TEX30: variants seen among roughly 807,000 people sequenced by gnomAD.
The protein encoded by TEX30 is testis expressed 30.
In TEX30, 14 loss-of-function variants were observed where a neutral mutation model predicts 23.8. That is an observed-to-expected ratio of 0.59 (90% CI 0.39 to 0.92). TEX30 has a LOEUF of 0.92. Ranked by LOEUF, TEX30 falls within the 40% of genes least tolerant of loss-of-function variation. TEX30 has a pLI of 0.00. For missense variants in TEX30, 246 were observed against 270.6 expected (o/e 0.91, Z 0.64); for synonymous variants, 78 against 90.2 (o/e 0.87, Z 0.76).
At chr13:102,770,239 A>G (rs1419827611) in intron 1 of TEX30, 153 bp from the exon 2 acceptor site, 1 of 372,976 alleles carries the variant, frequency 2.7e-6, no homozygotes, top group Non-Finnish European at 4.8e-6. Context: ...ACGGGCACTC[A>G]GAATTGGTTA....
At position 102,767,276 on chromosome 13, in the gene TEX30, T is replaced by C. The variant is rs1053247579; in HGVS notation, c.501A>G (p.Glu167=). Residue 167 remains glutamate (E), a synonymous_variant, in exon 5 of 6, where the codon GAA becomes GAG. Transcript: ENST00000376032. Reference sequence around the variant, plus strand: ...CAAACATTGAGTTATAATTCACCTTTTCACACATTTCATCTGCTGAGCCTG... The same window carrying C: ...CAAACATTGAGTTATAATTCACCTTCTCACACATTTCATCTGCTGAGCCTG... The part of the protein sequence containing the change: ...FVSGSADEMC[E]KNLLEKVAQK... 1.2e-6 allele frequency: 2 copies of C among 1,612,644 alleles called. No homozygotes were observed. The highest frequency in any genetic ancestry group is 1.7e-6 in the Non-Finnish European group (2 of 1,179,424).
At chr13:102,771,443 A>C (rs902790559) in intron 1 of TEX30, among the ~76,000 whole-genome samples, 2 of 152,228 alleles carry the variant, frequency 1.3e-5, no homozygotes, top group African/African-American at 4.8e-5. Flanking sequence ...CAATGTAAAC[A>C]GAAGTTTCCA....
chr13:102,768,533 A>G (rs1229453974), intron 3 of TEX30, among the ~76,000 whole-genome samples: 2 of 152,242 alleles, frequency 1.3e-5, no homozygotes, highest in Non-Finnish European at 1.5e-5. Context: ...ATATGTGAGA[A>G]AAAAAGTCAA....
In TEX30 at chr13:102,766,602, T is replaced by C. The variant is rs754381971; in HGVS notation, c.505-22A>G. ...AGTTCTAAAGAGAAAAAGAAGAGGA[T>C]ACTAGACTAATGTTCTGTTGATATT... On this transcript the variant is annotated intron_variant, in intron 5 of 5. Coordinates refer to ENST00000376032, the MANE Select transcript of TEX30 (RefSeq NM_138779.5). The C allele has an allele frequency of 2.1e-5, 34 of 1,603,988 alleles. No individual in the cohort carries two copies. The Admixed American group carries it at 5.1e-4, about 24-fold the overall frequency.
chr13:102,766,688 GCTTTCTCAGACAA>G, intron 5 of TEX30, 108 bp from the exon 6 acceptor site: 1 of 1,063,214 alleles, frequency 9.4e-7, no homozygotes, highest in Non-Finnish European at 1.3e-6. Flanking sequence ...TTCATTAAAT[GCTTTCTCAGACAA>G]CTTTCTAGGT....
chr13:102,766,726 G>A, intron 5 of TEX30, 146 bp from the exon 6 acceptor site: 1 of 678,770 alleles, frequency 1.5e-6, no homozygotes, highest in Non-Finnish European at 2.3e-6. Context: ...GAATGTGTGA[G>A]GAAATGTCCG....
chr13:102,771,614 G>C (rs189494240), intron 1 of TEX30, among the ~76,000 whole-genome samples: 2 of 152,306 alleles, frequency 1.3e-5, no homozygotes, highest in Admixed American at 1.3e-4. Context: ...TTTGGAAGTT[G>C]AGTGAGACAA....
chr13:102,771,163 T>C (rs1017501725), intron 1 of TEX30, among the ~76,000 whole-genome samples: 2 of 152,156 alleles, frequency 1.3e-5, no homozygotes, highest in Non-Finnish European at 2.9e-5. Flanking sequence ...GATGTAAGTG[T>C]ATTTATAAGA....
intron 2 of TEX30, 105 bp downstream of exon 2, chr13:102,769,907 G>T (rs967419119): frequency 2.0e-6 from 2 of 997,196 alleles, no homozygotes; most frequent in African/African-American, 1.7e-5. Flanking sequence ...ATGCTATACT[G>T]CCTCCCACAG....
chr13:102,773,181 T>C (rs940747445), intron 1 of TEX30, among the ~76,000 whole-genome samples: 3 of 152,198 alleles, frequency 2.0e-5, no homozygotes, highest in African/African-American at 7.2e-5. Flanking sequence ...CTGGCTGTCG[T>C]GGGGCAAACA....
At chr13:102,771,184 G>A (rs1253781577) in intron 1 of TEX30, among the ~76,000 whole-genome samples, 2 of 152,020 alleles carry the variant, frequency 1.3e-5, no homozygotes, top group Non-Finnish European at 2.9e-5. Flanking sequence ...TAAATTCCTG[G>A]GGAAGGAATC....
Position 102,769,798 on chromosome 13 carries a change from A to G in TEX30, c.15+214T>C, listed in dbSNP as rs1877187649. 4 of 525,944 alleles carry G rather than the reference A, an allele frequency of 7.6e-6. No homozygotes were observed. In the South Asian group the frequency reaches 1.3e-4, roughly 18 times the overall value. The allele number at this position is 525,944 out of a possible 1,614,324, so 32.6% of individuals were successfully genotyped here. A position where few individuals can be genotyped will look rare whatever the true frequency, so the allele number is the denominator to read the frequency against. On this transcript the variant is annotated intron_variant, in intron 2 of 5. Coordinates refer to ENST00000376032, the MANE Select transcript of TEX30 (RefSeq NM_138779.5). ...TATCATTATCCCCATTTTATAGATAAGGCACAGCAGATTAAGTAACTTGCC... is the reference window on the plus strand; with the variant it reads ...TATCATTATCCCCATTTTATAGATAGGGCACAGCAGATTAAGTAACTTGCC...
chr13:102,767,652 C>T (rs1877002215), intron 4 of TEX30, among the ~76,000 whole-genome samples, 174 bp from the exon 5 acceptor site: 1 of 152,204 alleles, frequency 6.6e-6, no homozygotes. Context: ...GTGGCTCACA[C>T]CTGTAATCCC....
chr13:102,767,632 G>A (rs1259907357), intron 4 of TEX30, among the ~76,000 whole-genome samples, 154 bp from the exon 5 acceptor site: 1 of 152,136 alleles, frequency 6.6e-6, no homozygotes, highest in African/African-American at 2.4e-5. Flanking sequence ...GCAATACCAG[G>A]CCAGGCACGG....
chr13:102,767,641 G>A (rs1053152430), intron 4 of TEX30, among the ~76,000 whole-genome samples, 163 bp from the exon 5 acceptor site: 9 of 152,130 alleles, frequency 5.9e-5, no homozygotes, highest in African/African-American at 1.9e-4. Flanking sequence ...GGCCAGGCAC[G>A]GTGGCTCACA....
chr13:102,769,642 G>T, intron 2 of TEX30, 101 bp from the exon 3 acceptor site: 1 of 703,098 alleles, frequency 1.4e-6, no homozygotes, highest in Non-Finnish European at 2.4e-6. Context: ...CATAATTCAA[G>T]TCATAGCCTC....
At position 102,767,286 on chromosome 13, in the gene TEX30, T is replaced by G; in HGVS notation, c.491A>C (p.Glu164Ala). Residue 164 changes from glutamate to alanine, a missense_variant, in exon 5 of 6, where the codon GAA becomes GCA. Physicochemically the swap from Glu to Ala is moderately radical, Grantham distance 107 (BLOSUM62 -1). Transcript: ENST00000376032. ...PVLFVSGSADEMCEKNLLEKV... is the reference protein window; with the variant it reads ...PVLFVSGSADAMCEKNLLEKV... ...GTTATAATTCACCTTTTCACACATT[T>G]CATCTGCTGAGCCTGACACAAACAG... 3 of 1,613,562 alleles carry G rather than the reference T, an allele frequency of 1.9e-6. No individual in the cohort carries two copies. The highest frequency in any genetic ancestry group is 2.5e-6 in the Non-Finnish European group (3 of 1,179,864).
chr13:102,768,480 T>A (rs1877072091), intron 3 of TEX30, among the ~76,000 whole-genome samples, 169 bp from the exon 4 acceptor site: 1 of 152,214 alleles, frequency 6.6e-6, no homozygotes, highest in Admixed American at 6.5e-5. Context: ...CCTCTTCTGG[T>A]CATGCCTTCA....
chr13:102,769,970 A>C (rs1877203075), intron 2 of TEX30, 42 bp downstream of exon 2: 1 of 1,409,198 alleles, frequency 7.1e-7, no homozygotes, highest in Admixed American at 3.1e-5. Context: ...AACAAACAAA[A>C]AACCAGGAAC....
Sources: gnomAD v4.1 joint callset for allele counts (sites outside exome capture counted in the v4.1 genomes callset) on GRCh38, gnomAD v4.1.1 for gene constraint, MANE v1.5 for transcripts, NCBI Gene and HGNC (gene_info 2026-07-23, HGNC 2026-07-21) for gene names.